The following COMMD1 variants were observed in gnomAD, a reference collection of about 807,000 sequenced individuals.
COMMD1 encodes copper metabolism domain containing 1.
In COMMD1, 10 loss-of-function variants were observed where a neutral mutation model predicts 17.2. The observed-to-expected ratio is 0.58, with a 90% confidence interval of 0.36 to 0.99. The LOEUF (loss-of-function observed/expected upper bound fraction) is 0.99. COMMD1 is among the 50% of genes least tolerant of loss of function. COMMD1 has a pLI of 0.01. For synonymous variants in COMMD1, 97 were observed against 91.6 expected (o/e 1.06, Z -0.34); for missense variants, 270 against 231.8 (o/e 1.17, Z -1.07).
chr2:62,108,388 A>G (rs1201273875), intron 2 of COMMD1, among the ~76,000 whole-genome samples: 2 of 151,304 alleles, frequency 1.3e-5, no homozygotes, highest in East Asian at 1.9e-4. Context: ...GACTTCATAG[A>G]AAAAAAAATG....
At chr2:62,067,160 G>A (rs1312055911) in intron 2 of COMMD1, among the ~76,000 whole-genome samples, 1 of 151,970 alleles carries the variant, frequency 6.6e-6, no homozygotes, top group Non-Finnish European at 1.5e-5. Context: ...GGAAGGCGGA[G>A]GTTGCGGTGA....
At chr2:62,103,474 A>G (rs1247450880) in intron 2 of COMMD1, among the ~76,000 whole-genome samples, 2 of 152,208 alleles carry the variant, frequency 1.3e-5, no homozygotes, top group South Asian at 2.1e-4. Flanking sequence ...CTTGGCCCCT[A>G]CAGTATGTGG....
intron 2 of COMMD1, among the ~76,000 whole-genome samples, chr2:62,054,872 G>GA (rs1188888664): frequency 6.6e-6 from 1 of 152,000 alleles, no homozygotes; most frequent in African/African-American, 2.4e-5. Context: ...AAATAAAAAG[G>GA]AAAAAAATAG....
chr2:62,045,291 T>A (rs1198079482), intron 2 of COMMD1, among the ~76,000 whole-genome samples: 1 of 152,090 alleles, frequency 6.6e-6, no homozygotes, highest in Non-Finnish European at 1.5e-5. Context: ...CTGAAAAACA[T>A]CTTTAAAAAA....
chr2:61,992,518 A>G (rs1672277137), intron 1 of COMMD1, among the ~76,000 whole-genome samples: 1 of 152,202 alleles, frequency 6.6e-6, no homozygotes, highest in Non-Finnish European at 1.5e-5. Flanking sequence ...GCCTGTATTT[A>G]TATAGCCCAT....
At chr2:62,016,121 C>T (rs557144433) in intron 2 of COMMD1, among the ~76,000 whole-genome samples, 46 of 152,036 alleles carry the variant, frequency 3.0e-4, no homozygotes, top group African/African-American at 1.1e-3. Context: ...GCGTGAGCCA[C>T]GATGCCCGGC....
intron 2 of COMMD1, among the ~76,000 whole-genome samples, chr2:62,092,649 T>G (rs1457089646): frequency 1.3e-5 from 2 of 152,184 alleles, no homozygotes; most frequent in Non-Finnish European, 2.9e-5. Context: ...TCCGTGGTCT[T>G]TGGGGTCGTC....
intron 1 of COMMD1, among the ~76,000 whole-genome samples, chr2:61,911,365 A>G (rs189512698): frequency 6.6e-6 from 1 of 152,182 alleles, no homozygotes; most frequent in African/African-American, 2.4e-5. Context: ...AATCCCAGCT[A>G]CTTGTGAGGC....
chr2:61,910,251 G>GC (rs147140838), intron 1 of COMMD1, among the ~76,000 whole-genome samples: 15,072 of 150,784 alleles, frequency 0.1, 1,639 homozygotes, highest in African/African-American at 0.27. Context: ...GCTAAACACT[G>GC]CCCCCCCCTT....
intron 2 of COMMD1, among the ~76,000 whole-genome samples, chr2:62,120,111 C>T (rs906412327): frequency 2.6e-5 from 4 of 152,204 alleles, no homozygotes; most frequent in Non-Finnish European, 5.9e-5. Context: ...GTCTTCCTGC[C>T]TCACTCAGCC....
chr2:62,027,798 T>C lies in COMMD1; in HGVS notation c.462+26816T>C, dbSNP rs144139104. Among the ~76,000 whole-genome samples the C allele has an allele frequency of 3.7e-3, 570 of 152,174 alleles. 6 individuals carry two copies. Among genetic ancestry groups the C allele is most frequent in the African/African-American group, 0.013 (522 of 41,532 alleles). On this transcript the variant is annotated intron_variant, in intron 2 of 2. Coordinates refer to ENST00000311832, the MANE Select transcript of COMMD1 (RefSeq NM_152516.4). ...AAGCGATCCTCCCACCTCAGTCTCATGAGTAGCTGGGACTAAGCACACTTG... is the reference window on the plus strand; with the variant it reads ...AAGCGATCCTCCCACCTCAGTCTCACGAGTAGCTGGGACTAAGCACACTTG...
chr2:61,924,218 G>T (rs1670264790), intron 1 of COMMD1, among the ~76,000 whole-genome samples: 1 of 152,148 alleles, frequency 6.6e-6, no homozygotes, highest in South Asian at 2.1e-4. Context: ...CTCTGGTAAG[G>T]TTTGATTAAA....
At position 62,081,708 on chromosome 2, in the gene COMMD1, A is replaced by G. The variant is rs149511487; in HGVS notation, c.463-54123A>G. Among the ~76,000 whole-genome samples the G allele has an allele frequency of 2.1e-3, 321 of 152,140 alleles. 2 individuals are homozygous for G. Among genetic ancestry groups the G allele is most frequent in the African/African-American group, 7.0e-3 (289 of 41,514 alleles). On this transcript the variant is annotated intron_variant, in intron 2 of 2. Coordinates refer to ENST00000311832, the MANE Select transcript of COMMD1 (RefSeq NM_152516.4). ...CTGTACCTCCTTTTTCTCTCGGATGATTTATGATTTCCTTATCGATTTATA... is the reference window on the plus strand; with the variant it reads ...CTGTACCTCCTTTTTCTCTCGGATGGTTTATGATTTCCTTATCGATTTATA...
intron 2 of COMMD1, among the ~76,000 whole-genome samples, chr2:62,048,446 C>A (rs1670445020): frequency 1.3e-5 from 2 of 152,024 alleles, no homozygotes; most frequent in Non-Finnish European, 2.9e-5. Context: ...CCTCGCCCTC[C>A]CAAAGTGCTG....
intron 1 of COMMD1, among the ~76,000 whole-genome samples, chr2:61,950,898 T>A (rs563836261): frequency 1.8e-4 from 27 of 152,306 alleles, no homozygotes; most frequent in African/African-American, 6.5e-4. Flanking sequence ...ATTCTCCAAT[T>A]AATATTTTCA....
rs13384297 is a variant in COMMD1 at position 61,944,997 on chromosome 2, C to T, written c.180+39139C>T. On this transcript the variant is annotated intron_variant, in intron 1 of 2. Transcript: ENST00000311832. ...TAGCCAATTCGGAGGCCTTGTTCCC[C>T]ATAATTGGAATTCTCATTCAGATTT... Among the ~76,000 whole-genome samples, 803 of 152,274 alleles carry T rather than the reference C, an allele frequency of 5.3e-3. 9 individuals carry two copies. The highest frequency in any genetic ancestry group is 0.017 in the African/African-American group (724 of 41,538).
chr2:62,127,986 C>A (rs1173277811), intron 2 of COMMD1, among the ~76,000 whole-genome samples: 2 of 139,676 alleles, frequency 1.4e-5, no homozygotes, highest in African/African-American at 5.5e-5. Flanking sequence ...TGTGCCACTG[C>A]ACTTCAGCCT....
chr2:62,025,855 A>AT (rs894816141), intron 2 of COMMD1, among the ~76,000 whole-genome samples: 7 of 149,332 alleles, frequency 4.7e-5, no homozygotes, highest in African/African-American at 7.4e-5. Flanking sequence ...TGCCCGGCTA[A>AT]TTTTTTTTTT....
In COMMD1 at chr2:62,069,290, C is replaced by A. The variant is rs1359291775; in HGVS notation, c.463-66541C>A. ...GGGATTACAGGCTTGAGCCACCATG[C>A]CTGGTCAACATCAAGTTTTAACATG... On this transcript the variant is annotated intron_variant, in intron 2 of 2. Transcript: ENST00000311832. Among the ~76,000 whole-genome samples, 20 of 152,042 alleles carry A rather than the reference C, an allele frequency of 1.3e-4. 1 individual carries two copies. Among genetic ancestry groups the A allele is most frequent in the Admixed American group, 1.3e-3 (20 of 15,266 alleles).
Sources: gnomAD v4.1 joint callset for allele counts (sites outside exome capture counted in the v4.1 genomes callset) on GRCh38, gnomAD v4.1.1 for gene constraint, MANE v1.5 for transcripts, NCBI Gene and HGNC (gene_info 2026-07-23, HGNC 2026-07-21) for gene names.